The following SGSH variants were observed in gnomAD, a reference collection of about 807,000 sequenced individuals.
SGSH encodes the protein N-sulfoglucosamine sulfohydrolase.
Under a neutral mutation model 51.0 loss-of-function variants are expected in SGSH, and 48 were observed. The ratio of observed to expected loss-of-function variants is 0.94; its 90% confidence interval spans 0.75 to 1.20. The LOEUF is 1.20. SGSH is among the 50% of genes most tolerant of loss of function. The pLI is 0.00. For synonymous variants in SGSH, 321 were observed against 313.4 expected, an observed-to-expected ratio of 1.02 and a Z score of -0.26; for missense variants, 662 against 717.8, an observed-to-expected ratio of 0.92 and a Z score of 0.89.
chr17:80,208,426 G>A, downstream of SGSH: 1 of 1,318,474 alleles, frequency 7.6e-7, no homozygotes. Context: ...AGGCCCTCTT[G>A]GCACAGCTGT....
chr17:80,203,504 C>T (rs971956057), downstream of SGSH: 2 of 306,636 alleles, frequency 6.5e-6, no homozygotes, highest in East Asian at 5.7e-5. The surrounding 1 kb of genome is among the most constrained non-coding windows in gnomAD (Gnocchi z 4.6). Flanking sequence ...GGCCAGGGAC[C>T]CACCATGAAT....
Position 80,214,335 on chromosome 17 carries a change from G to C in SGSH, c.507-7C>G, listed in dbSNP as rs200965114. On this transcript the variant is annotated splice_polypyrimidine_tract_variant and splice_region_variant and intron_variant, in intron 4 of 7. Coordinates refer to ENST00000326317, the MANE Select transcript of SGSH (RefSeq NM_000199.5). ...GACGTAGAGGAAGAAAGGCCTGCACGGGAGGAGGCTCATTGCCAAGGCTGC... is the reference window on the plus strand; with the variant it reads ...GACGTAGAGGAAGAAAGGCCTGCACCGGAGGAGGCTCATTGCCAAGGCTGC... 6.2e-7 allele frequency: 1 copy of C among 1,610,910 alleles called. No individual in the cohort carries two copies. The highest frequency in any genetic ancestry group is 8.5e-7 in the Non-Finnish European group (1 of 1,178,650).
Position 80,214,231 on chromosome 17 carries a change from T to A in SGSH, c.604A>T (p.Ser202Cys). Residue 202 changes from serine to cysteine, a missense_variant, in exon 5 of 8, where the codon AGC (serine) becomes TGC (cysteine). Coordinates refer to ENST00000326317, the MANE Select transcript of SGSH (RefSeq NM_000199.5). ...TFCEKFGNGE[S>C]GMGRIPDWTP... is the part of the protein sequence containing the mutation. ...CAGTCTGGGATACGACCCATGCCGC[T>A]CTCTCCGTTGCCAAACTTCTCACAG... 6.2e-7 allele frequency: 1 copy of A among 1,612,948 alleles called. No homozygotes were observed. The highest frequency in any genetic ancestry group is 1.1e-5 in the South Asian group (1 of 91,032).
Position 80,212,638 on chromosome 17 carries a change from T to C in SGSH, c.746-364A>G. ...GGGCCAGAGGACGAGGCTTCCTCTA[T>C]ACTCGCTCCTTCCCAGCTGGGGCCA... is the stretch of plus-strand genomic sequence containing the variant. On this transcript the variant is annotated intron_variant, in intron 6 of 7. Transcript: ENST00000326317. This position sits in a 1 kb window ranked among gnomAD's most constrained non-coding sequence, Gnocchi z 5.9. 2 of 372,300 alleles carry C rather than the reference T, an allele frequency of 5.4e-6. No individual in the cohort carries two copies. Among genetic ancestry groups the C allele is most frequent in the African/African-American group, 2.1e-5 (1 of 47,778 alleles). The allele number at this position is 372,300 out of a possible 1,614,324, so 23.1% of individuals were successfully genotyped here.
chr17:80,217,236 A>C (rs1397936301), intron 1 of SGSH, 44 bp from the exon 2 acceptor site: 1 of 1,573,834 alleles, frequency 6.4e-7, no homozygotes, highest in African/African-American at 1.3e-5. Context: ...GGCTGCGGTC[A>C]CGAGAAACAG....
chr17:80,201,860 C>G, downstream of SGSH: 1 of 1,613,142 alleles, frequency 6.2e-7, no homozygotes, highest in Non-Finnish European at 8.5e-7. This position sits in a 1 kb window ranked among gnomAD's most constrained non-coding sequence, Gnocchi z 5.0. Context: ...CTGTGAAGGT[C>G]AACACGGACG....
Position 80,210,949 on chromosome 17 carries a change from A to G in SGSH, c.1012T>C (p.Ser338Pro). ...IPYPSYAIFG[S>P]KTIHLTGRSL... The stretch of plus-strand genomic sequence containing the variant: ...CGGCCAGTGAGGTGGATGGTCTTCG[A>G]GCCAAAGATGGCGTAGCTGGGGTAC... Residue 338 changes from serine to proline, a missense_variant, in exon 8 of 8, where the codon TCG becomes CCG. Coordinates refer to ENST00000326317, the MANE Select transcript of SGSH (RefSeq NM_000199.5). 6.2e-7 allele frequency: 1 copy of G among 1,604,508 alleles called. No homozygotes were observed. The highest frequency in any genetic ancestry group is 8.5e-7 in the Non-Finnish European group (1 of 1,179,892).
the SGSH span, chr17:80,201,361 A>G: frequency 4.9e-6 from 1 of 205,134 alleles, no homozygotes; most frequent in Non-Finnish European, 1.0e-5. The surrounding 1 kb of genome is among the most constrained non-coding windows in gnomAD (Gnocchi z 5.0). Flanking sequence ...GGCCCGGTAT[A>G]GCCCGCAGCA....
chr17:80,210,263 C>G lies in SGSH; in HGVS notation c.*189G>C, dbSNP rs1280868589. 5 of 1,429,424 alleles carry G rather than the reference C, an allele frequency of 3.5e-6. No homozygotes were observed. Among genetic ancestry groups the G allele is most frequent in the Non-Finnish European group, 4.6e-6 (5 of 1,096,086 alleles). 88.5% of individuals were successfully genotyped at this position (1,429,424 alleles called of 1,614,324 possible). ...GTGGTGGAGGGGCTGGGCACATGCT[C>G]TGGTCACATGCTCTGGTCCCCCTCC... On this transcript the variant is annotated 3_prime_UTR_variant, in exon 8 of 8. Transcript: ENST00000326317.
At chr17:80,211,098 C>A (rs952103873) in intron 7 of SGSH, 87 bp from the exon 8 acceptor site, 1 of 1,557,896 alleles carries the variant, frequency 6.4e-7, no homozygotes. Flanking sequence ...CCACTCTGGG[C>A]GGCTCCCTTC....
Position 80,212,269 on chromosome 17 carries a change from C to T in SGSH, c.751G>A (p.Gly251Arg), listed in dbSNP as rs528633031. 3.1e-6 allele frequency: 5 copies of T among 1,606,896 alleles called. No homozygotes were observed. The East Asian group carries it at 1.1e-4, about 36-fold the overall frequency. ...TTVGRMDQGV[G>R]LVLQELRDAG... ...TCACGCAGCTCCTGGAGCACCAGTC[C>T]AACTCCTGTGGTGAGGGGCCGAGAA... Residue 251 changes from glycine (G) to arginine (R), a missense_variant, in exon 7 of 8, where the codon GGA becomes AGA. Gly to Arg is a moderately radical substitution (Grantham distance 125, BLOSUM62 -2). Coordinates refer to ENST00000326317, the MANE Select transcript of SGSH (RefSeq NM_000199.5). This position sits in a 1 kb window ranked among gnomAD's most constrained non-coding sequence, Gnocchi z 5.9.
chr17:80,201,622 C>T, the SGSH span: 3 of 983,400 alleles, frequency 3.1e-6, no homozygotes, highest in South Asian at 2.7e-5. This position sits in a 1 kb window ranked among gnomAD's most constrained non-coding sequence, Gnocchi z 5.0. Context: ...CCAAGGCGTG[C>T]AGGCAGTGGT....
At chr17:80,217,292 C>A in intron 1 of SGSH, 100 bp from the exon 2 acceptor site, 2 of 1,396,916 alleles carry the variant, frequency 1.4e-6, no homozygotes, top group Non-Finnish European at 2.0e-6. Context: ...GAAGGCGAGA[C>A]ACCCAGGTGG....
intron 2 of SGSH, among the ~76,000 whole-genome samples, chr17:80,216,157 C>A (rs1189543217): frequency 2.0e-5 from 3 of 151,966 alleles, no homozygotes; most frequent in Non-Finnish European, 4.4e-5. Context: ...GATGAAACCC[C>A]ATCTCTACTA....
downstream of SGSH, chr17:80,203,045 A>G (rs1271367944): frequency 6.6e-6 from 1 of 152,636 alleles, no homozygotes; most frequent in Non-Finnish European, 1.5e-5. The surrounding 1 kb of genome is among the most constrained non-coding windows in gnomAD (Gnocchi z 4.6). Flanking sequence ...AGGCGGGTGG[A>G]TCATCTGAGG....
intron 7 of SGSH, 79 bp downstream of exon 7, chr17:80,211,992 G>A: frequency 1.7e-6 from 2 of 1,160,208 alleles, no homozygotes; most frequent in Non-Finnish European, 2.6e-6. Context: ...TAATGGGTGT[G>A]GAGCAGCATC....
chr17:80,220,304 G>A lies in SGSH; in HGVS notation c.10C>T (p.Pro4Ser). Reference sequence around the variant, plus strand: ...AGCAGCGCGCAGCAGGCGGGCACGGGGCAGCTCATGGCGGCGGCGGCTCGG... The same window carrying A: ...AGCAGCGCGCAGCAGGCGGGCACGGAGCAGCTCATGGCGGCGGCGGCTCGG... MSCPVPACCALLLV... is the reference protein window; with the variant it reads MSCSVPACCALLLV... Residue 4 changes from proline (P) to serine (S), a missense_variant, in exon 1 of 8, where the codon CCC becomes TCC. Pro to Ser is a moderately conservative substitution (Grantham distance 74). Coordinates refer to ENST00000326317, the MANE Select transcript of SGSH (RefSeq NM_000199.5). 1 of 1,494,184 alleles carries A rather than the reference G, an allele frequency of 6.7e-7. No individual in the cohort carries two copies. The highest frequency in any genetic ancestry group is 2.8e-5 in the East Asian group (1 of 36,124). 92.6% of individuals were successfully genotyped at this position (1,494,184 alleles called of 1,614,324 possible).
At chr17:80,208,415 C>T (rs2041475242), downstream of SGSH, 10 of 1,383,106 alleles carry the variant, frequency 7.2e-6, no homozygotes, top group Non-Finnish European at 9.8e-6. Context: ...TTCCTCAGCC[C>T]AGGCCCTCTT....
chr17:80,210,257 C>T lies in SGSH; in HGVS notation c.*195G>A. On this transcript the variant is annotated 3_prime_UTR_variant, in exon 8 of 8. Transcript: ENST00000326317. ...CCCCTGGTGGTGGAGGGGCTGGGCA[C>T]ATGCTCTGGTCACATGCTCTGGTCC... is the stretch of plus-strand genomic sequence containing the variant. 1 of 1,427,904 alleles carries T rather than the reference C, an allele frequency of 7.0e-7. No homozygotes were observed. Among genetic ancestry groups the T allele is most frequent in the Non-Finnish European group, 9.1e-7 (1 of 1,095,192 alleles). 88.5% of individuals were successfully genotyped at this position (1,427,904 alleles called of 1,614,324 possible). A position where few individuals can be genotyped will look rare whatever the true frequency, so the allele number is the denominator to read the frequency against.
Sources: gnomAD v4.1 joint callset for allele counts (sites outside exome capture counted in the v4.1 genomes callset) on GRCh38, gnomAD v4.1.1 for gene constraint, Gnocchi (gnomAD v3.1) non-coding constraint, MANE v1.5 for transcripts, NCBI Gene and HGNC (gene_info 2026-07-23, HGNC 2026-07-21) for gene names.